The following SPIDR variants were observed in gnomAD, a reference collection of about 807,000 sequenced individuals.
SPIDR encodes the protein DNA repair-scaffolding protein.
In SPIDR, 93 loss-of-function variants were observed where a neutral mutation model predicts 104.6. That is an observed-to-expected ratio of 0.89 (90% CI 0.75 to 1.06). The LOEUF (loss-of-function observed/expected upper bound fraction) is 1.06, where lower values mean the gene tolerates loss of function less well. Among genes scored for constraint, SPIDR ranks in the 50% least tolerant of loss-of-function variants. The pLI, the probability that SPIDR is intolerant of heterozygous loss-of-function variation, is 0.00. For synonymous variants in SPIDR, 431 were observed against 416.9 expected (o/e 1.03, Z -0.41); for missense variants, 1,154 against 1,111.2 (o/e 1.04, Z -0.55).
At chr8:47,305,955 G>A (rs988721443) in intron 5 of SPIDR, among the ~76,000 whole-genome samples, 1 of 152,000 alleles carries the variant, frequency 6.6e-6, no homozygotes, top group Non-Finnish European at 1.5e-5. Context: ...TTGAAATTCT[G>A]TACTCATTAA....
chr8:47,315,107 TC>T (rs2045065460), intron 5 of SPIDR, among the ~76,000 whole-genome samples: 2 of 152,124 alleles, frequency 1.3e-5, no homozygotes, highest in African/African-American at 2.4e-5. Flanking sequence ...CCTAATAAGA[TC>T]TACAGTCATA....
chr8:47,614,964 G>A (rs2064098285), intron 10 of SPIDR, among the ~76,000 whole-genome samples: 1 of 151,980 alleles, frequency 6.6e-6, no homozygotes, highest in Non-Finnish European at 1.5e-5. Context: ...TTTATATATT[G>A]TAGATATAAG....
Position 47,735,625 on chromosome 8 carries a change from CAA to C in SPIDR, c.*178_*179del, listed in dbSNP as rs2086174334. 8.0e-7 allele frequency: 1 copy of C among 1,248,998 alleles called. No homozygotes were observed. The highest frequency in any genetic ancestry group is 2.6e-5 in the East Asian group (1 of 39,110). The allele number at this position is 1,248,998 out of a possible 1,614,324, so 77.4% of individuals were successfully genotyped here. ...AGATACAGTTTTGTGAACTGTAAATCAAAATACCTTTTTCTACAGTTTATCTT... is the reference window on the plus strand; with the variant it reads ...AGATACAGTTTTGTGAACTGTAAATCAATACCTTTTTCTACAGTTTATCTT... On this transcript the variant is annotated 3_prime_UTR_variant, in exon 20 of 20. Coordinates refer to ENST00000297423, the MANE Select transcript of SPIDR (RefSeq NM_001080394.4).
chr8:47,271,316 C>T (rs907161252), intron 1 of SPIDR, among the ~76,000 whole-genome samples: 20 of 152,222 alleles, frequency 1.3e-4, no homozygotes, highest in African/African-American at 4.6e-4. Flanking sequence ...TCTGTCTCTC[C>T]TTCCTTCTGA....
intron 5 of SPIDR, 185 bp downstream of exon 5, chr8:47,294,215 A>G (rs2040433140): frequency 1.6e-6 from 1 of 630,052 alleles, no homozygotes; most frequent in East Asian, 3.2e-5. Context: ...ACTTCTCAAC[A>G]TGGATAAATA....
intron 8 of SPIDR, among the ~76,000 whole-genome samples, chr8:47,536,081 A>G (rs1321153239): frequency 9.9e-6 from 1 of 101,034 alleles, no homozygotes. Flanking sequence ...AAACAGGTAT[A>G]ATCTAAAAAT....
intron 5 of SPIDR, among the ~76,000 whole-genome samples, chr8:47,330,629 C>A (rs2048496981): frequency 6.6e-6 from 1 of 152,038 alleles, no homozygotes; most frequent in South Asian, 2.1e-4. Flanking sequence ...TTTTGGAGTG[C>A]CTTCTTTCAC....
At chr8:47,443,703 C>T (rs1449334727) in intron 8 of SPIDR, among the ~76,000 whole-genome samples, 1 of 148,824 alleles carries the variant, frequency 6.7e-6, no homozygotes, top group African/African-American at 2.5e-5. Context: ...TGTGGACTGG[C>T]TGTCCTTTTC....
chr8:47,329,283 G>A (rs1054815555), intron 5 of SPIDR, among the ~76,000 whole-genome samples: 15 of 152,100 alleles, frequency 9.9e-5, no homozygotes, highest in African/African-American at 3.4e-4. Flanking sequence ...GTGTTAGCCA[G>A]GATGGTCTCG....
chr8:47,339,638 T>G (rs1387681068), intron 5 of SPIDR, among the ~76,000 whole-genome samples: 2 of 152,070 alleles, frequency 1.3e-5, no homozygotes, highest in African/African-American at 4.8e-5. Flanking sequence ...ACAAAAACTT[T>G]AAGCTGAATA....
chr8:47,391,340 C>T (rs1441162652), intron 5 of SPIDR, among the ~76,000 whole-genome samples: 1 of 151,548 alleles, frequency 6.6e-6, no homozygotes. Context: ...GAATTTGAGA[C>T]CATCCTGGGC....
At chr8:47,717,145 G>A (rs991020994) in intron 16 of SPIDR, among the ~76,000 whole-genome samples, 3 of 152,134 alleles carry the variant, frequency 2.0e-5, no homozygotes, top group Non-Finnish European at 4.4e-5. Context: ...TCCCTGGGGC[G>A]CATGTGCTAT....
intron 5 of SPIDR, among the ~76,000 whole-genome samples, chr8:47,331,964 A>AATT (rs2048743275): frequency 4.0e-5 from 2 of 50,616 alleles, no homozygotes; most frequent in East Asian, 6.9e-4. Flanking sequence ...ATTTTTTTAA[A>AATT]CTTTTTTTTT....
intron 6 of SPIDR, among the ~76,000 whole-genome samples, chr8:47,403,391 G>T (rs1302785419): frequency 6.6e-6 from 1 of 152,074 alleles, no homozygotes; most frequent in Admixed American, 6.6e-5. Flanking sequence ...AGGGTGTTCA[G>T]TTAGGAAAAG....
At chr8:47,498,411 T>A (rs2079802913) in intron 8 of SPIDR, among the ~76,000 whole-genome samples, 1 of 152,180 alleles carries the variant, frequency 6.6e-6, no homozygotes, top group African/African-American at 2.4e-5. Flanking sequence ...AAATCACCAT[T>A]TTTAAAAGCA....
At chr8:47,292,055 C>T (rs892777134) in intron 4 of SPIDR, among the ~76,000 whole-genome samples, 6 of 152,124 alleles carry the variant, frequency 3.9e-5, no homozygotes, top group Non-Finnish European at 8.8e-5. Context: ...AAGATGTCTC[C>T]AGATGTTGTC....
chr8:47,736,183 T>TAAAG lies in SPIDR; in HGVS notation c.*735_*738dup, dbSNP rs1589671904. 1.3e-5 allele frequency: 2 copies of TAAAG among 153,318 alleles called. No individual in the cohort carries two copies. Among genetic ancestry groups the TAAAG allele is most frequent in the African/African-American group, 2.4e-5 (1 of 41,600 alleles). The allele number at this position is 153,318 out of a possible 1,614,324, so 9.5% of individuals were successfully genotyped here. A position where few individuals can be genotyped will look rare whatever the true frequency, so the allele number is the denominator to read the frequency against. On this transcript the variant is annotated 3_prime_UTR_variant, in exon 20 of 20. Coordinates refer to ENST00000297423, the MANE Select transcript of SPIDR (RefSeq NM_001080394.4). The stretch of plus-strand genomic sequence containing the variant: ...AAGAATTAATTATCTTTGGACACTA[T>TAAAG]AAAGATTTTGTTCCCTTCCTTATAG...
At chr8:47,662,450 C>T (rs538523571) in intron 10 of SPIDR, among the ~76,000 whole-genome samples, 82 of 152,264 alleles carry the variant, frequency 5.4e-4, no homozygotes, top group African/African-American at 1.8e-3. Context: ...AACATACTAG[C>T]CAATGAGCAC....
At chr8:47,317,685 G>A (rs1320324678) in intron 5 of SPIDR, among the ~76,000 whole-genome samples, 1 of 152,024 alleles carries the variant, frequency 6.6e-6, no homozygotes, top group African/African-American at 2.4e-5. Flanking sequence ...AGCTTAACTG[G>A]GAGGCACCCC....
Sources: allele counts gnomAD v4.1 joint callset (sites outside exome capture counted in the v4.1 genomes callset), GRCh38; gene constraint gnomAD v4.1.1; transcripts MANE v1.5; gene names NCBI Gene and HGNC (gene_info 2026-07-23, HGNC 2026-07-21).